The following CPLX2 variants were observed in gnomAD, a reference collection of about 807,000 sequenced individuals.
CPLX2 encodes the protein complexin-2.
Under a neutral mutation model 16.3 loss-of-function variants are expected in CPLX2, and 5 were observed. That is an observed-to-expected ratio of 0.31 (90% confidence interval 0.16 to 0.64). The LOEUF is 0.64. CPLX2 is among the 30% of genes least tolerant of loss of function. CPLX2 has a pLI of 0.79. For missense variants in CPLX2, 144 were observed against 181.4 expected (o/e 0.79, Z 1.18); for synonymous variants, 89 against 73.2 (o/e 1.22, Z -1.10).
chr5:175,863,869 G>A (rs951115763), intron 2 of CPLX2, among the ~76,000 whole-genome samples: 1 of 152,102 alleles, frequency 6.6e-6, no homozygotes, highest in Non-Finnish European at 1.5e-5. Context: ...AGGCAGGGAG[G>A]AAGCCAAGAA....
At chr5:175,836,167 G>A (rs373714028) in intron 2 of CPLX2, among the ~76,000 whole-genome samples, 127 of 152,168 alleles carry the variant, frequency 8.3e-4, no homozygotes, top group Middle Eastern at 6.8e-3. Context: ...TGGCTAACAC[G>A]GTGAAACCCC....
At chr5:175,807,155 C>A (rs1758222100) in intron 1 of CPLX2, among the ~76,000 whole-genome samples, 1 of 152,194 alleles carries the variant, frequency 6.6e-6, no homozygotes, top group Non-Finnish European at 1.5e-5. Flanking sequence ...TGTGAAAAGG[C>A]TCTGTAAGGA....
chr5:175,811,427 C>G (rs935181709), intron 2 of CPLX2, among the ~76,000 whole-genome samples: 5 of 152,160 alleles, frequency 3.3e-5, no homozygotes, highest in African/African-American at 1.2e-4. Context: ...CCTTGAAAAT[C>G]AAGACTGTGT....
chr5:175,847,304 G>A (rs1759062127), intron 2 of CPLX2, among the ~76,000 whole-genome samples: 1 of 152,136 alleles, frequency 6.6e-6, no homozygotes, highest in Non-Finnish European at 1.5e-5. Context: ...TGCAAATGAG[G>A]CCCCCTCTTG....
At chr5:175,820,026 A>G (rs1758477220) in intron 2 of CPLX2, among the ~76,000 whole-genome samples, 1 of 152,128 alleles carries the variant, frequency 6.6e-6, no homozygotes, top group Non-Finnish European at 1.5e-5. Context: ...GCATCACACC[A>G]AAAGTCCCTA....
intron 2 of CPLX2, among the ~76,000 whole-genome samples, chr5:175,855,388 T>C (rs563465041): frequency 2.0e-5 from 3 of 152,350 alleles, no homozygotes; most frequent in African/African-American, 7.2e-5. Context: ...AAATAACACA[T>C]GTGAACTACT....
At chr5:175,874,006 G>A (rs927439124) in intron 1 of CPLX2, among the ~76,000 whole-genome samples, 1 of 152,228 alleles carries the variant, frequency 6.6e-6, no homozygotes, top group African/African-American at 2.4e-5. Context: ...CCCTGTGCAA[G>A]AGGTGGCACA....
At chr5:175,802,568 A>G (rs1758119794) in intron 1 of CPLX2, among the ~76,000 whole-genome samples, 1 of 152,192 alleles carries the variant, frequency 6.6e-6, no homozygotes, top group Admixed American at 6.5e-5. Flanking sequence ...TTGCAGTTCA[A>G]GCAGCAAATG....
intron 1 of CPLX2, among the ~76,000 whole-genome samples, chr5:175,803,063 C>T (rs1454546254): frequency 2.0e-5 from 3 of 152,148 alleles, no homozygotes; most frequent in Non-Finnish European, 4.4e-5. Flanking sequence ...AACTCCTGAC[C>T]TCAGGTGATC....
intron 2 of CPLX2, among the ~76,000 whole-genome samples, chr5:175,812,742 A>G (rs1438084156): frequency 6.6e-6 from 1 of 152,166 alleles, no homozygotes; most frequent in African/African-American, 2.4e-5. Context: ...GAAGGTTCTC[A>G]GGGCCCATTA....
intron 2 of CPLX2, among the ~76,000 whole-genome samples, chr5:175,862,477 C>T (rs922837840): frequency 7.2e-5 from 11 of 152,100 alleles, no homozygotes; most frequent in Non-Finnish European, 1.5e-4. Flanking sequence ...GCAAACAGCA[C>T]GGGCAAAAGT....
At chr5:175,799,539 C>CATATATATATTTTTATATAT (rs1227041477) in intron 1 of CPLX2, among the ~76,000 whole-genome samples, 4 of 72,276 alleles carry the variant, frequency 5.5e-5, no homozygotes, top group Non-Finnish European at 7.7e-5. Context: ...TTGCAAATTT[C>CATATATATATTTTTATATAT]ATATATATAT....
upstream of CPLX2, among the ~76,000 whole-genome samples, chr5:175,866,581 T>C (rs1759481453): frequency 1.5e-5 from 2 of 131,726 alleles, no homozygotes; most frequent in South Asian, 5.4e-4. Flanking sequence ...TGCCTGAATC[T>C]GGGAGGGTGG....
intron 2 of CPLX2, among the ~76,000 whole-genome samples, chr5:175,824,078 C>T (rs779219986): frequency 1.3e-5 from 2 of 152,194 alleles, no homozygotes; most frequent in Admixed American, 1.3e-4. Context: ...GTCCCCTGTG[C>T]ACAATTGGAG....
intron 2 of CPLX2, among the ~76,000 whole-genome samples, chr5:175,858,316 G>A (rs1759298867): frequency 1.3e-5 from 2 of 152,224 alleles, no homozygotes. Context: ...CCCCTCTTCT[G>A]AGCACAAGCG....
At chr5:175,860,493 GAAAGA>G (rs1193957974) in intron 2 of CPLX2, among the ~76,000 whole-genome samples, 11 of 72,130 alleles carry the variant, frequency 1.5e-4, no homozygotes, top group African/African-American at 5.8e-4. Context: ...AAGAAAGAAA[GAAAGA>G]AAAGAAAGAA....
chr5:175,843,714 G>A (rs1035009395), intron 2 of CPLX2, among the ~76,000 whole-genome samples: 2 of 152,254 alleles, frequency 1.3e-5, no homozygotes, highest in Admixed American at 6.5e-5. Flanking sequence ...CCAGGGTCTC[G>A]CTCCATGTGA....
At position 175,882,236 on chromosome 5, in the gene CPLX2, T is replaced by A. The variant is rs1333831220; in HGVS notation, c.*2191T>A. ...CCCCTGTTGTCTGCTTGTCTCTTTG[T>A]GTCTGTTATCCTGGGCAGGATGGTC... On this transcript the variant is annotated 3_prime_UTR_variant, in exon 4 of 4. Transcript: ENST00000393745. 1 of 152,712 alleles carries A rather than the reference T, an allele frequency of 6.5e-6. No homozygotes were observed. Among genetic ancestry groups the A allele is most frequent in the Non-Finnish European group, 1.5e-5 (1 of 68,152 alleles). 9.5% of individuals were successfully genotyped at this position (152,712 alleles called of 1,614,324 possible). A position where few individuals can be genotyped will look rare whatever the true frequency, so the allele number is the denominator to read the frequency against.
intron 2 of CPLX2, among the ~76,000 whole-genome samples, chr5:175,863,128 C>A (rs552384914): frequency 6.6e-6 from 1 of 152,208 alleles, no homozygotes; most frequent in Non-Finnish European, 1.5e-5. Flanking sequence ...AGGCCTACCC[C>A]AGAGGGAATT....
Sources: gnomAD v4.1 joint callset for allele counts (sites outside exome capture counted in the v4.1 genomes callset) on GRCh38, gnomAD v4.1.1 for gene constraint, MANE v1.5 for transcripts, NCBI Gene and HGNC (gene_info 2026-07-23, HGNC 2026-07-21) for gene names.